The following AMY1A variants were observed in gnomAD, a reference collection of about 807,000 sequenced individuals.
The protein encoded by AMY1A is amylase alpha 1A, also known as alpha-amylase 1A.
AMY1A carries 3 observed loss-of-function variants against 13.5 expected under a neutral mutation model. The ratio of observed to expected loss-of-function variants is 0.22; its 90% CI spans 0.10 to 0.57. The LOEUF is 0.57. Ranked by LOEUF, AMY1A falls within the 20% of genes least tolerant of loss-of-function variation. The pLI is 0.92. For missense variants in AMY1A, 9 were observed against 101.2 expected (o/e 0.09, Z 3.91); for synonymous variants, 3 against 29.4 (o/e 0.10, Z 2.90).
intron 8 of AMY1A, among the ~76,000 whole-genome samples, chr1:103,662,327 C>A (rs1241704553): frequency 7.9e-6 from 1 of 126,192 alleles, no homozygotes; most frequent in African/African-American, 2.7e-5. Context: ...TTCGCTTGAG[C>A]CTCGGAGATC....
chr1:103,662,122 T>G (rs1188698322), intron 8 of AMY1A, among the ~76,000 whole-genome samples: 3 of 100,496 alleles, frequency 3.0e-5, no homozygotes, highest in African/African-American at 9.8e-5. Flanking sequence ...GCAGGCCAGG[T>G]GCAGTGGCTC....
At chr1:103,660,796 C>CTTT in intron 8 of AMY1A, 120 bp downstream of exon 8, 1 of 921,740 alleles carries the variant, frequency 1.1e-6, no homozygotes. Context: ...TTATTGTAAA[C>CTTT]CTGATACAGG....
chr1:103,660,182 TGTGA>T, intron 6 of AMY1A, among the ~76,000 whole-genome samples, 174 bp from the exon 7 acceptor site: 1 of 29,968 alleles, frequency 3.3e-5, no homozygotes, highest in Non-Finnish European at 7.5e-5. Flanking sequence ...TGTATATATA[TGTGA>T]GTGTGTGTTT....
chr1:103,662,274 G>A (rs956645990), intron 8 of AMY1A, among the ~76,000 whole-genome samples: 4 of 135,892 alleles, frequency 2.9e-5, no homozygotes, highest in Non-Finnish European at 3.2e-5. Context: ...GTGCGGTGGT[G>A]CACACCAACA....
intron 8 of AMY1A, among the ~76,000 whole-genome samples, chr1:103,662,199 C>A (rs1166255551): frequency 7.6e-6 from 1 of 132,080 alleles, no homozygotes; most frequent in African/African-American, 2.6e-5. Flanking sequence ...AGTTCAAGAC[C>A]TATCTGGGCA....
intron 8 of AMY1A, among the ~76,000 whole-genome samples, chr1:103,662,321 C>T (rs1653429522): frequency 7.8e-6 from 1 of 127,568 alleles, no homozygotes; most frequent in South Asian, 2.5e-4. Context: ...GGGAGGTTCG[C>T]TTGAGCCTCG....
chr1:103,662,336 T>C (rs1653429970), intron 8 of AMY1A, among the ~76,000 whole-genome samples: 1 of 123,178 alleles, frequency 8.1e-6, no homozygotes, highest in Admixed American at 8.5e-5. Context: ...GCCTCGGAGA[T>C]CAAGGCTGCA....
intron 8 of AMY1A, among the ~76,000 whole-genome samples, chr1:103,662,161 C>T (rs1291813808): frequency 8.2e-6 from 1 of 121,790 alleles, no homozygotes; most frequent in Non-Finnish European, 1.8e-5. Context: ...CTGTGTGCGG[C>T]CAGCTGAGAA....
At chr1:103,662,360 A>G (rs1353222537) in intron 8 of AMY1A, among the ~76,000 whole-genome samples, 1 of 113,694 alleles carries the variant, frequency 8.8e-6, no homozygotes, top group African/African-American at 2.9e-5. Context: ...AGCTACGATC[A>G]TGCCACTGTA....
intron 8 of AMY1A, among the ~76,000 whole-genome samples, chr1:103,662,142 A>G (rs1653423134): frequency 8.8e-6 from 1 of 113,192 alleles, no homozygotes; most frequent in African/African-American, 2.9e-5. Flanking sequence ...CACACCTATA[A>G]TCCCAGCACT....
intron 8 of AMY1A, among the ~76,000 whole-genome samples, chr1:103,662,129 G>A (rs1653422516): frequency 9.4e-6 from 1 of 106,298 alleles, no homozygotes; most frequent in South Asian, 3.3e-4. Flanking sequence ...AGGTGCAGTG[G>A]CTCACACCTA....
intron 7 of AMY1A, 24 bp downstream of exon 7, chr1:103,660,506 T>G (rs780338220): frequency 7.1e-7 from 1 of 1,404,210 alleles, no homozygotes; most frequent in South Asian, 1.3e-5. Flanking sequence ...TTCTCTATTT[T>G]TTTAACACCT....
chr1:103,662,470 G>C (rs1394670240), intron 8 of AMY1A, among the ~76,000 whole-genome samples, 187 bp from the exon 9 acceptor site: 1 of 86,176 alleles, frequency 1.2e-5, no homozygotes, highest in East Asian at 6.2e-4. Context: ...TGGCAAAAGA[G>C]AACCAGAGGA....
chr1:103,660,195 TTG>T (rs1293080120), intron 6 of AMY1A, among the ~76,000 whole-genome samples, 163 bp from the exon 7 acceptor site: 21 of 31,914 alleles, frequency 6.6e-4, no homozygotes, highest in South Asian at 1.4e-3. Flanking sequence ...GAGTGTGTGT[TTG>T]TGTGTGTGTG....
intron 8 of AMY1A, among the ~76,000 whole-genome samples, chr1:103,662,241 A>T (rs879682380): frequency 1.2e-4 from 17 of 137,976 alleles, no homozygotes; most frequent in African/African-American, 3.6e-4. Flanking sequence ...ACTGAAAATT[A>T]AAAAAAAAAA....
chr1:103,662,159 G>A (rs1433220766), intron 8 of AMY1A, among the ~76,000 whole-genome samples: 6 of 121,208 alleles, frequency 5.0e-5, no homozygotes, highest in Admixed American at 1.7e-4. Flanking sequence ...CACTGTGTGC[G>A]GCCAGCTGAG....
intron 8 of AMY1A, 115 bp from the exon 9 acceptor site, chr1:103,662,538 CTAGA>C (rs1653434471): frequency 1.5e-5 from 1 of 68,230 alleles, no homozygotes; most frequent in South Asian, 4.6e-4. Context: ...GCATTGGATT[CTAGA>C]TAAAGTCACT....
At position 103,660,672 on chromosome 1, in the gene AMY1A, GA is replaced by G. The variant is rs1653400237; in HGVS notation, c.1101del (p.Asp368MetfsTer14). The stretch of plus-strand genomic sequence containing the variant: ...CGTTGGCCAAGATATTTTGAAAATG[GA>G]AAAGTAAGTTTTGGAGTTGTTCAAA... ...SYRWPRYFEN[G>X]KDVNDWVGPP... On this transcript the variant is annotated frameshift_variant, in exon 8 of 11. Transcript: ENST00000370083. LOFTEE classifies it high-confidence loss of function. The G allele has an allele frequency of 8.4e-7, 1 of 1,194,706 alleles. No homozygotes were observed. Among genetic ancestry groups the G allele is most frequent in the Non-Finnish European group, 1.1e-6 (1 of 885,536 alleles). 74.0% of individuals were successfully genotyped at this position (1,194,706 alleles called of 1,614,324 possible).
In AMY1A at chr1:103,660,820, A is replaced by C; in HGVS notation, c.1101+144A>C. On this transcript the variant is annotated intron_variant, in intron 8 of 10. Coordinates refer to ENST00000370083, the MANE Select transcript of AMY1A (RefSeq NM_004038.4). ...ACCTGATACAGGATTGTGATTTAGT[A>C]ATGCAGGTTATATTAAAGGAATAAA... The C allele has an allele frequency of 2.3e-6, 2 of 868,634 alleles. 1 individual carries two copies. The highest frequency in any genetic ancestry group is 3.2e-6 in the Non-Finnish European group (2 of 619,390). The allele number at this position is 868,634 out of a possible 1,614,324, so 53.8% of individuals were successfully genotyped here.
Sources: allele counts gnomAD v4.1 joint callset (sites outside exome capture counted in the v4.1 genomes callset), GRCh38; gene constraint gnomAD v4.1.1; transcripts MANE v1.5; gene names NCBI Gene and HGNC (gene_info 2026-07-23, HGNC 2026-07-21).